The following CACNG2 variants were observed in gnomAD, a reference collection of about 807,000 sequenced individuals.
CACNG2 encodes calcium voltage-gated channel auxiliary subunit gamma 2.
CACNG2 carries 3 observed loss-of-function variants against 25.9 expected under a neutral mutation model. The ratio of observed to expected loss-of-function variants is 0.12; its 90% confidence interval spans 0.05 to 0.30. CACNG2 has a LOEUF of 0.30. Ranked by LOEUF, CACNG2 falls within the 10% of genes least tolerant of loss-of-function variation. CACNG2 has a pLI of 1.00. For missense variants in CACNG2, 341 were observed against 432.5 expected (o/e 0.79, Z 1.88); for synonymous variants, 167 against 173.3 (o/e 0.96, Z 0.29).
intron 2 of CACNG2, among the ~76,000 whole-genome samples, chr22:36,575,025 G>T (rs1261014166): frequency 6.6e-6 from 1 of 152,164 alleles, no homozygotes; most frequent in African/African-American, 2.4e-5. Context: ...CCTGAGGCTT[G>T]GGGAGCCCCA....
chr22:36,573,893 A>C (rs1450166047), intron 2 of CACNG2, among the ~76,000 whole-genome samples: 1 of 152,220 alleles, frequency 6.6e-6, no homozygotes, highest in Non-Finnish European at 1.5e-5. Context: ...CTGATTAGGC[A>C]CAATGAAGGC....
At chr22:36,657,754 G>A (rs1341348943) in intron 1 of CACNG2, among the ~76,000 whole-genome samples, 4 of 151,872 alleles carry the variant, frequency 2.6e-5, no homozygotes, top group Non-Finnish European at 5.9e-5. Flanking sequence ...CAAAAGTGTC[G>A]TGAGGTCTGT....
intron 2 of CACNG2, among the ~76,000 whole-genome samples, chr22:36,580,800 A>G (rs796195130): frequency 7.2e-5 from 11 of 152,190 alleles, no homozygotes; most frequent in African/African-American, 2.4e-4. Flanking sequence ...CCAAATCACA[A>G]TAGGACAGCT....
chr22:36,659,759 G>A (rs1300983586), intron 1 of CACNG2, among the ~76,000 whole-genome samples: 2 of 152,090 alleles, frequency 1.3e-5, no homozygotes, highest in Non-Finnish European at 2.9e-5. Flanking sequence ...GTGTTCAAAT[G>A]CCAGCCTGTG....
chr22:36,629,615 T>C (rs1263647674), intron 1 of CACNG2, among the ~76,000 whole-genome samples: 1 of 150,382 alleles, frequency 6.6e-6, no homozygotes, highest in Non-Finnish European at 1.5e-5. Flanking sequence ...CATGAAGGAG[T>C]TAGGCAGGTA....
intron 1 of CACNG2, among the ~76,000 whole-genome samples, chr22:36,627,794 T>G (rs1443732751): frequency 6.6e-5 from 10 of 151,970 alleles, no homozygotes; most frequent in Non-Finnish European, 1.2e-4. Flanking sequence ...AGCAATTGAC[T>G]CTGATTTTCG....
chr22:36,665,269 CT>C (rs1936860259), intron 1 of CACNG2, among the ~76,000 whole-genome samples: 1 of 152,178 alleles, frequency 6.6e-6, no homozygotes, highest in Non-Finnish European at 1.5e-5. Context: ...GGTTCGAAGC[CT>C]GCTCTGTTCC....
chr22:36,639,660 C>G lies in CACNG2; in HGVS notation c.212-52112G>C, dbSNP rs556194334. 2.0e-5 allele frequency among the ~76,000 whole-genome samples: 3 copies of G among 152,312 alleles called. No individual in the cohort carries two copies. The East Asian group carries it at 5.8e-4, about 29-fold the overall frequency. ...CTGTTCCTCTGGTTACCCCTTTCCC[C>G]TCAAAACTGGGAAGGATGAAGGGTT... On this transcript the variant is annotated intron_variant, in intron 1 of 3. Coordinates refer to ENST00000300105, the MANE Select transcript of CACNG2 (RefSeq NM_006078.5).
intron 1 of CACNG2, among the ~76,000 whole-genome samples, chr22:36,652,851 C>G (rs1394789163): frequency 6.6e-6 from 1 of 152,092 alleles, no homozygotes; most frequent in Non-Finnish European, 1.5e-5. Context: ...TTTTCACACC[C>G]CATCCCAAGG....
intron 1 of CACNG2, among the ~76,000 whole-genome samples, chr22:36,631,784 T>C (rs1339485211): frequency 6.6e-6 from 1 of 151,610 alleles, no homozygotes; most frequent in African/African-American, 2.4e-5. Context: ...TTGTGTTTTC[T>C]TACCTGCAAC....
intron 1 of CACNG2, among the ~76,000 whole-genome samples, chr22:36,615,585 A>C (rs1936009834): frequency 6.6e-6 from 1 of 152,112 alleles, no homozygotes; most frequent in Admixed American, 6.5e-5. Context: ...AGCTGGGTTA[A>C]TTTTCTTCTT....
intron 1 of CACNG2, among the ~76,000 whole-genome samples, chr22:36,645,469 G>A (rs562284974): frequency 1.1e-4 from 17 of 151,274 alleles, no homozygotes; most frequent in African/African-American, 3.6e-4. Flanking sequence ...CCCCAGAGGC[G>A]GAGCTTGCAG....
chr22:36,690,308 T>C (rs1409577544), intron 1 of CACNG2, among the ~76,000 whole-genome samples: 1 of 152,196 alleles, frequency 6.6e-6, no homozygotes, highest in African/African-American at 2.4e-5. Flanking sequence ...TGCCCAGCTC[T>C]TGCTGATGGC....
chr22:36,679,641 CT>C (rs1351799964), intron 1 of CACNG2, among the ~76,000 whole-genome samples: 1 of 152,090 alleles, frequency 6.6e-6, no homozygotes, highest in Non-Finnish European at 1.5e-5. Context: ...CTGGAGAGAG[CT>C]TTTGTAGCCT....
In CACNG2 at chr22:36,564,678, C is replaced by G. The variant is rs201512121; in HGVS notation, c.645G>C (p.Thr215=). 2 of 1,613,936 alleles carry G rather than the reference C, an allele frequency of 1.2e-6. No individual in the cohort carries two copies. The highest frequency in any genetic ancestry group is 1.7e-6 in the Non-Finnish European group (2 of 1,180,014). The change falls in exon 4 of 4, where the codon ACG becomes ACC. Residue 215 remains threonine, a synonymous_variant. Coordinates refer to ENST00000300105, the MANE Select transcript of CACNG2 (RefSeq NM_006078.5). The surrounding 1 kb of genome is among the most constrained non-coding windows in gnomAD (Gnocchi z 6.7). ...HKQLRATARA[T]DYLQASAITR... is the part of the protein sequence containing the mutation. ...TGATGGCAGAGGCCTGGAGGTAGTC[C>G]GTGGCGCGGGCCGTGGCCCGCAGCT...
chr22:36,658,113 C>T (rs990066695), intron 1 of CACNG2, among the ~76,000 whole-genome samples: 1 of 152,120 alleles, frequency 6.6e-6, no homozygotes, highest in Non-Finnish European at 1.5e-5. Flanking sequence ...GGGCTGCTGA[C>T]GTTGTCTGTG....
At chr22:36,588,523 CA>C (rs1461961050) in intron 1 of CACNG2, among the ~76,000 whole-genome samples, 4 of 152,232 alleles carry the variant, frequency 2.6e-5, no homozygotes, top group Non-Finnish European at 5.9e-5. Context: ...TTATCTCCAG[CA>C]CCAGCATAGG....
At chr22:36,694,545 C>T (rs569833603) in intron 1 of CACNG2, among the ~76,000 whole-genome samples, 111 of 152,226 alleles carry the variant, frequency 7.3e-4, no homozygotes, top group African/African-American at 2.4e-3. Context: ...CTGAAATCCT[C>T]GATAATTCTA....
At chr22:36,629,343 T>C (rs190759139) in intron 1 of CACNG2, among the ~76,000 whole-genome samples, 17 of 152,162 alleles carry the variant, frequency 1.1e-4, no homozygotes, top group Admixed American at 1.1e-3. Flanking sequence ...TGTGAGCTGG[T>C]GATGGAGATG....
Sources: allele counts gnomAD v4.1 joint callset (sites outside exome capture counted in the v4.1 genomes callset), GRCh38; gene constraint gnomAD v4.1.1; non-coding constraint Gnocchi (gnomAD v3.1); transcripts MANE v1.5; gene names NCBI Gene and HGNC (gene_info 2026-07-23, HGNC 2026-07-21).